Variants in TDRD7 observed in about 807,000 individuals in gnomAD.
The protein encoded by TDRD7 is tudor domain containing 7.
TDRD7 carries 47 observed loss-of-function variants against 109.8 expected under a neutral mutation model. The ratio of observed to expected loss-of-function variants is 0.43; its 90% CI spans 0.34 to 0.55. The LOEUF (loss-of-function observed/expected upper bound fraction) is 0.55, where lower values mean the gene tolerates loss of function less well. Among genes scored for constraint, TDRD7 ranks in the 20% least tolerant of loss-of-function variants. The probability of loss-of-function intolerance (pLI) is 0.03; values close to 1 mark genes in which losing one functional copy is unlikely to be tolerated. For missense variants in TDRD7, 1,164 were observed against 1,319.2 expected (o/e 0.88, Z 1.82); for synonymous variants, 424 against 457.3 (o/e 0.93, Z 0.93).
chr9:97,467,990 T>C (rs149423351), intron 8 of TDRD7, among the ~76,000 whole-genome samples: 50 of 152,334 alleles, frequency 3.3e-4, no homozygotes, highest in Non-Finnish European at 2.5e-4. Flanking sequence ...TGACTAGATA[T>C]TGGTGCCATT....
At chr9:97,431,172 T>A (rs1356866122) in intron 3 of TDRD7, 98 bp downstream of exon 3, 29 of 1,541,680 alleles carry the variant, frequency 1.9e-5, no homozygotes, top group Admixed American at 1.7e-4. Context: ...TAAATACTTG[T>A]ATCTGTTAAC....
At chr9:97,488,560 G>GTTTTTTTTTTTTTTTTTTTTTT (rs61689126) in intron 16 of TDRD7, among the ~76,000 whole-genome samples, 6 of 140,586 alleles carry the variant, frequency 4.3e-5, no homozygotes, top group South Asian at 2.3e-4. Flanking sequence ...AGATTTAATG[G>GTTTTTTTTTTTTTTTTTTTTTT]TTTTTTTTTT....
intron 6 of TDRD7, among the ~76,000 whole-genome samples, chr9:97,448,131 GTC>G (rs1828432584): frequency 6.6e-6 from 1 of 152,182 alleles, no homozygotes; most frequent in South Asian, 2.1e-4. Context: ...CTTTGATTAA[GTC>G]TCTGTGGAAT....
chr9:97,416,324 T>G (rs1353677666), intron 1 of TDRD7, among the ~76,000 whole-genome samples: 2 of 152,236 alleles, frequency 1.3e-5, no homozygotes, highest in East Asian at 3.8e-4. Context: ...TTTTTGTAGC[T>G]TTAGAAAAAT....
chr9:97,441,765 A>G lies in TDRD7; in HGVS notation c.745A>G (p.Asn249Asp). ...CATAAAGGAAATACTAAACAAGCATAACAATGGCATTTGGATATCTAAGCT... is the reference window on the plus strand; with the variant it reads ...CATAAAGGAAATACTAAACAAGCATGACAATGGCATTTGGATATCTAAGCT... ...NRIKEILNKH[N>D]NGIWISKLPH... Residue 249 changes from asparagine (N) to aspartate (D), a missense_variant, in exon 6 of 17, where the codon AAC (asparagine) becomes GAC (aspartate). Asn to Asp is a conservative substitution (Grantham distance 23). Coordinates refer to ENST00000355295, the MANE Select transcript of TDRD7 (RefSeq NM_014290.3). 6.2e-7 allele frequency: 1 copy of G among 1,613,868 alleles called. No individual in the cohort carries two copies. Among genetic ancestry groups the G allele is most frequent in the South Asian group, 1.1e-5 (1 of 91,084 alleles).
chr9:97,446,443 A>G (rs1392175930), intron 6 of TDRD7, among the ~76,000 whole-genome samples: 1 of 152,232 alleles, frequency 6.6e-6, no homozygotes, highest in African/African-American at 2.4e-5. Flanking sequence ...GTGAATGACA[A>G]AATTATAGAA....
chr9:97,421,244 G>A (rs185870625), intron 1 of TDRD7, among the ~76,000 whole-genome samples: 131 of 152,064 alleles, frequency 8.6e-4, no homozygotes, highest in Admixed American at 1.5e-3. Context: ...TCAGCACTTC[G>A]TATTGTCAGT....
In TDRD7 at chr9:97,416,603, A is replaced by T. The variant is rs1028116032; in HGVS notation, c.-7+4365A>T. On this transcript the variant is annotated intron_variant, in intron 1 of 16. Coordinates refer to ENST00000355295, the MANE Select transcript of TDRD7 (RefSeq NM_014290.3). The stretch of plus-strand genomic sequence containing the variant: ...AATCTGGCTCAGAGTGGACATGCTC[A>T]GAAATAATCTACTTGATGATTCTCA... Among the ~76,000 whole-genome samples the T allele has an allele frequency of 2.6e-5, 4 of 152,224 alleles. No individual in the cohort carries two copies. In the East Asian group the frequency reaches 7.7e-4, roughly 29 times the overall value.
intron 7 of TDRD7, among the ~76,000 whole-genome samples, chr9:97,462,043 G>GT (rs1828733875): frequency 6.6e-6 from 1 of 152,196 alleles, no homozygotes; most frequent in South Asian, 2.1e-4. Flanking sequence ...CTAAGATGTG[G>GT]TGTGGCCTGA....
intron 1 of TDRD7, among the ~76,000 whole-genome samples, chr9:97,427,274 A>G (rs749280029): frequency 1.1e-4 from 16 of 152,040 alleles, no homozygotes; most frequent in Admixed American, 5.2e-4. Context: ...AACTACAACT[A>G]GATGTAATCA....
intron 6 of TDRD7, among the ~76,000 whole-genome samples, chr9:97,449,729 G>C (rs1475235953): frequency 6.6e-6 from 1 of 152,164 alleles, no homozygotes; most frequent in Non-Finnish European, 1.5e-5. Context: ...CCCGGCATTT[G>C]AATGGTGGGG....
At position 97,450,990 on chromosome 9, in the gene TDRD7, G is replaced by A. The variant is rs182794370; in HGVS notation, c.855+9115G>A. Among the ~76,000 whole-genome samples the A allele has an allele frequency of 8.4e-4, 127 of 151,162 alleles. 1 individual carries two copies. The East Asian group carries it at 0.023, about 27-fold the overall frequency. On this transcript the variant is annotated intron_variant, in intron 6 of 16. Transcript: ENST00000355295. ...GGGGCTGGTCACCAGAAAGACCAACGCATGATTAGAGGGTTGGGACTTTCA... is the reference window on the plus strand; with the variant it reads ...GGGGCTGGTCACCAGAAAGACCAACACATGATTAGAGGGTTGGGACTTTCA...
At chr9:97,481,501 T>C (rs959132369) in intron 14 of TDRD7, among the ~76,000 whole-genome samples, 3 of 152,092 alleles carry the variant, frequency 2.0e-5, no homozygotes, top group Admixed American at 1.3e-4. Flanking sequence ...TTTAAGAAGA[T>C]AGTTTTTCTC....
chr9:97,460,938 G>A (rs552971805), intron 7 of TDRD7, among the ~76,000 whole-genome samples, 174 bp downstream of exon 7: 2 of 152,156 alleles, frequency 1.3e-5, no homozygotes, highest in East Asian at 1.9e-4. Context: ...TCAGGAGATC[G>A]AGACCATCCT....
At position 97,460,172 on chromosome 9, in the gene TDRD7, T is replaced by G. The variant is rs1828684542; in HGVS notation, c.856-6T>G. 1.2e-6 allele frequency: 2 copies of G among 1,613,638 alleles called. No homozygotes were observed. The highest frequency in any genetic ancestry group is 2.7e-5 in the African/African-American group (2 of 74,914). On this transcript the variant is annotated splice_region_variant and splice_polypyrimidine_tract_variant and intron_variant, in intron 6 of 16. Coordinates refer to ENST00000355295, the MANE Select transcript of TDRD7 (RefSeq NM_014290.3). ...ATCTGTCATTTGCTTTATTTAAAAA[T>G]TTCAGGTGGAGAAACCTTGCAGTGG...
At chr9:97,494,694 G>GTA (rs144407860) in intron 16 of TDRD7, among the ~76,000 whole-genome samples, 131 of 135,418 alleles carry the variant, frequency 9.7e-4, no homozygotes, top group South Asian at 5.8e-3. Context: ...ATATATATAT[G>GTA]TATATATATA....
chr9:97,489,339 G>A (rs755165340), intron 16 of TDRD7, among the ~76,000 whole-genome samples: 15 of 152,028 alleles, frequency 9.9e-5, no homozygotes, highest in Non-Finnish European at 1.8e-4. Flanking sequence ...TTAGATGCAT[G>A]TACATTAAGG....
chr9:97,473,656 T>G (rs750824027), intron 11 of TDRD7, 30 bp downstream of exon 11: 16 of 1,613,054 alleles, frequency 9.9e-6, no homozygotes, highest in Non-Finnish European at 1.4e-5. Flanking sequence ...ACCTCTAAAA[T>G]TAGCCCTAAA....
chr9:97,492,206 A>G (rs181379744), intron 16 of TDRD7, among the ~76,000 whole-genome samples: 83 of 152,324 alleles, frequency 5.4e-4, no homozygotes, highest in South Asian at 3.1e-3. Context: ...ATTAGGAGGC[A>G]GTAGCAACTT....
Sources: allele counts gnomAD v4.1 joint callset (sites outside exome capture counted in the v4.1 genomes callset), GRCh38; gene constraint gnomAD v4.1.1; transcripts MANE v1.5; gene names NCBI Gene and HGNC (gene_info 2026-07-23, HGNC 2026-07-21).